Variants in RIMBP2 observed in about 807,000 individuals in gnomAD.
RIMBP2 encodes the protein RIMS binding protein 2, also known as RIMS-binding protein 2.
A neutral mutation model predicts 118.6 loss-of-function variants in RIMBP2; 48 were observed. The ratio of observed to expected loss-of-function variants is 0.40; its 90% confidence interval spans 0.32 to 0.51. The LOEUF is 0.51. RIMBP2 is among the 20% of genes least tolerant of loss of function. The probability of loss-of-function intolerance (pLI) is 0.41; values close to 1 mark genes in which losing one functional copy is unlikely to be tolerated. For missense variants in RIMBP2, 1,551 were observed against 1,768.3 expected, an observed-to-expected ratio of 0.88 and a Z score of 2.20; for synonymous variants, 762 against 742.9, an observed-to-expected ratio of 1.03 and a Z score of -0.42.
In RIMBP2 at chr12:130,417,067, C is replaced by T. The variant is rs113244105; in HGVS notation, c.3239-2761G>A. ...TACCATCTCACACCAGTCAGAATGA[C>T]GATTAAAAAGTCAAAAAATAGACGT... On this transcript the variant is annotated intron_variant, in intron 17 of 22. Transcript: ENST00000690449. Among the ~76,000 whole-genome samples, 356 of 152,012 alleles carry T rather than the reference C, an allele frequency of 2.3e-3. 1 individual carries two copies. The highest frequency in any genetic ancestry group is 7.1e-3 in the African/African-American group (295 of 41,452).
At chr12:130,665,244 A>G in intron 1 of RIMBP2, among the ~76,000 whole-genome samples, 1 of 151,556 alleles carries the variant, frequency 6.6e-6, no homozygotes, top group Non-Finnish European at 1.5e-5. Flanking sequence ...TCCTGAAAAA[A>G]CACAACACCC....
rs546544160 is a variant in RIMBP2 at position 130,608,163 on chromosome 12, T to C, written c.-217+20159A>G. ...GGGCAGGAAAAGGAAAAATATCCAG[T>C]GGAAAGAGCTGCTAGAAAACGCTTT... is the stretch of plus-strand genomic sequence containing the variant. On this transcript the variant is annotated intron_variant, in intron 2 of 22. Coordinates refer to ENST00000690449, the MANE Select transcript of RIMBP2 (RefSeq NM_001393629.1). Among the ~76,000 whole-genome samples, 3 of 152,246 alleles carry C rather than the reference T, an allele frequency of 2.0e-5. No homozygotes were observed. In the South Asian group the frequency reaches 6.2e-4, roughly 32 times the overall value.
intron 1 of RIMBP2, among the ~76,000 whole-genome samples, chr12:130,714,946 C>G (rs944077729): frequency 1.3e-5 from 2 of 152,196 alleles, no homozygotes; most frequent in Admixed American, 6.5e-5. Flanking sequence ...AGCCTTCCCC[C>G]ACTGTTCCCC....
intron 1 of RIMBP2, among the ~76,000 whole-genome samples, chr12:130,707,733 G>T (rs1490491593): frequency 1.3e-5 from 2 of 152,186 alleles, no homozygotes; most frequent in African/African-American, 4.8e-5. Context: ...AGGCAGTGTG[G>T]CCCAGGGACA....
intron 1 of RIMBP2, among the ~76,000 whole-genome samples, chr12:130,660,833 G>A (rs2063627399): frequency 9.5e-6 from 1 of 105,072 alleles, no homozygotes; most frequent in African/African-American, 2.9e-5. Flanking sequence ...TATCACAGCT[G>A]GCGTGTCACG....
chr12:130,462,539 GCA>G (rs920552653), intron 6 of RIMBP2, among the ~76,000 whole-genome samples: 6 of 152,174 alleles, frequency 3.9e-5, no homozygotes, highest in African/African-American at 1.4e-4. Flanking sequence ...ACACATCTTA[GCA>G]CTGCCTCACC....
chr12:130,431,916 G>T lies in RIMBP2; in HGVS notation c.2253+2818C>A, dbSNP rs894573958. ...ACCAGCCACGTGTGGCTGTTTACAT[G>T]TAAACTAATTAGAATGTAAACTAAT... On this transcript the variant is annotated intron_variant, in intron 14 of 22. Coordinates refer to ENST00000690449, the MANE Select transcript of RIMBP2 (RefSeq NM_001393629.1). The surrounding 1 kb of genome is among the most constrained non-coding windows in gnomAD (Gnocchi z 4.0). The T allele has an allele frequency of 1.9e-5, 3 of 161,926 alleles. No individual in the cohort carries two copies. The highest frequency in any genetic ancestry group is 7.2e-5 in the African/African-American group (3 of 41,600). 10.0% of individuals were successfully genotyped at this position (161,926 alleles called of 1,614,324 possible).
Position 130,586,505 on chromosome 12 carries a change from G to A in RIMBP2, c.-217+41817C>T, listed in dbSNP as rs529352188. Among the ~76,000 whole-genome samples, 4 of 152,070 alleles carry A rather than the reference G, an allele frequency of 2.6e-5. No individual in the cohort carries two copies. In the East Asian group the frequency reaches 7.7e-4, roughly 29 times the overall value. ...TGGGGGATCAATAGAACAGAACAGA[G>A]CCCTCAGAAATAACGCCACATATCT... On this transcript the variant is annotated intron_variant, in intron 2 of 22. Transcript: ENST00000690449.
chr12:130,634,319 G>A (rs1170233263), intron 1 of RIMBP2, among the ~76,000 whole-genome samples: 1 of 152,204 alleles, frequency 6.6e-6, no homozygotes, highest in Non-Finnish European at 1.5e-5. Context: ...GAAGGAATCT[G>A]AAGCAAGAAA....
At chr12:130,522,704 C>T (rs753340524) in intron 2 of RIMBP2, among the ~76,000 whole-genome samples, 7 of 152,064 alleles carry the variant, frequency 4.6e-5, no homozygotes, top group African/African-American at 7.2e-5. Flanking sequence ...ACTTCCTGTG[C>T]GCAGGGAGAG....
In RIMBP2 at chr12:130,434,720, C is replaced by T. The variant is rs768865863; in HGVS notation, c.2253+14G>A. ...CCCACCAGGAGGATGGTGTGGGGCC[C>T]GGCCCGCTCTCACCTGCTTGCCAAG... On this transcript the variant is annotated intron_variant, in intron 14 of 22. Coordinates refer to ENST00000690449, the MANE Select transcript of RIMBP2 (RefSeq NM_001393629.1). The surrounding 1 kb of genome is among the most constrained non-coding windows in gnomAD (Gnocchi z 5.7). 5.6e-6 allele frequency: 9 copies of T among 1,609,340 alleles called. No individual in the cohort carries two copies. The highest frequency in any genetic ancestry group is 1.7e-5 in the Admixed American group (1 of 59,748).
At chr12:130,657,634 A>C (rs1296017560) in intron 1 of RIMBP2, among the ~76,000 whole-genome samples, 3 of 151,698 alleles carry the variant, frequency 2.0e-5, no homozygotes, top group Non-Finnish European at 4.4e-5. Context: ...GTGCGGGGGC[A>C]GTGAGGGCAG....
At chr12:130,638,472 C>T (rs2062450447) in intron 1 of RIMBP2, among the ~76,000 whole-genome samples, 1 of 152,226 alleles carries the variant, frequency 6.6e-6, no homozygotes. Flanking sequence ...CGAGGCCGCA[C>T]AGCAGGAGGT....
In RIMBP2 at chr12:130,434,681, G is replaced by A. The variant is rs532884901; in HGVS notation, c.2253+53C>T. ...ATGTCTCTTGATCTCCACGGGGCCC[G>A]CTCCGAGCCCGCGCCCACCAGGAGG... On this transcript the variant is annotated intron_variant, in intron 14 of 22. Coordinates refer to ENST00000690449, the MANE Select transcript of RIMBP2 (RefSeq NM_001393629.1). The surrounding 1 kb of genome is among the most constrained non-coding windows in gnomAD (Gnocchi z 5.7). 337 of 1,565,246 alleles carry A rather than the reference G, an allele frequency of 2.2e-4. No individual in the cohort carries two copies. The African/African-American group carries it at 3.2e-3, about 15-fold the overall frequency.
intron 2 of RIMBP2, among the ~76,000 whole-genome samples, chr12:130,556,921 G>A (rs763316841): frequency 7.2e-5 from 11 of 152,220 alleles, no homozygotes; most frequent in African/African-American, 1.4e-4. Context: ...CTTGCATCTC[G>A]GCTTCTTGAT....
chr12:130,645,502 C>A (rs890828017), intron 1 of RIMBP2, among the ~76,000 whole-genome samples: 6 of 152,220 alleles, frequency 3.9e-5, no homozygotes, highest in African/African-American at 1.4e-4. Context: ...GCACCTTCCA[C>A]CCCTACAGTC....
intron 2 of RIMBP2, among the ~76,000 whole-genome samples, chr12:130,555,539 T>G (rs2056267866): frequency 6.6e-6 from 1 of 152,188 alleles, no homozygotes; most frequent in Non-Finnish European, 1.5e-5. Flanking sequence ...ATGATTATAT[T>G]ATTACAGAAA....
intron 4 of RIMBP2, among the ~76,000 whole-genome samples, chr12:130,486,061 G>C (rs1280152813): frequency 6.6e-6 from 1 of 152,004 alleles, no homozygotes; most frequent in Non-Finnish European, 1.5e-5. Flanking sequence ...TTTCTGCAAA[G>C]CCCTCATCCC....
rs761100948 is a variant in RIMBP2 at position 130,442,119 on chromosome 12, G to C, written c.1233C>G (p.Pro411=). The change falls in exon 11 of 23, where the codon CCC becomes CCG. Residue 411 remains proline, a synonymous_variant. Coordinates refer to ENST00000690449, the MANE Select transcript of RIMBP2 (RefSeq NM_001393629.1). This position sits in a 1 kb window ranked among gnomAD's most constrained non-coding sequence, Gnocchi z 6.9. ...LLVGKDVVVA[P]SHLRVDNITQ... Reference sequence around the variant, plus strand: ...TGATGTTGTCCACCCGCAGGTGGGAGGGGGCCACCACCACGTCCTTGCCCA... The same window carrying C: ...TGATGTTGTCCACCCGCAGGTGGGACGGGGCCACCACCACGTCCTTGCCCA... The C allele has an allele frequency of 1.2e-6, 2 of 1,614,152 alleles. No homozygotes were observed. The highest frequency in any genetic ancestry group is 1.7e-6 in the Non-Finnish European group (2 of 1,180,010).
Sources: allele counts gnomAD v4.1 joint callset (sites outside exome capture counted in the v4.1 genomes callset), GRCh38; gene constraint gnomAD v4.1.1; non-coding constraint Gnocchi (gnomAD v3.1); transcripts MANE v1.5; gene names NCBI Gene and HGNC (gene_info 2026-07-23, HGNC 2026-07-21).